PCDH15: variants seen among roughly 807,000 people sequenced by gnomAD.
The protein encoded by PCDH15 is protocadherin-15.
Under a neutral mutation model 178.5 loss-of-function variants are expected in PCDH15, and 129 were observed. The observed-to-expected ratio is 0.72, with a 90% confidence interval of 0.63 to 0.84. PCDH15 has a LOEUF of 0.84. PCDH15 is among the 40% of genes least tolerant of loss of function. The pLI is 0.00. For missense variants in PCDH15, 2,230 were observed against 2,099.9 expected (o/e 1.06, Z -1.21); for synonymous variants, 800 against 732.0 (o/e 1.09, Z -1.50).
At chr10:54,948,353 G>T (rs747878822) in intron 2 of PCDH15, among the ~76,000 whole-genome samples, 2 of 151,902 alleles carry the variant, frequency 1.3e-5, no homozygotes, top group African/African-American at 4.8e-5. Context: ...TTCTATTCAG[G>T]TCATCAAGTA....
At chr10:53,812,149 C>T (rs570407639) in intron 35 of PCDH15, among the ~76,000 whole-genome samples, 1 of 152,146 alleles carries the variant, frequency 6.6e-6, no homozygotes, top group Non-Finnish European at 1.5e-5. Context: ...TGTAATGCTT[C>T]CCAAGGATGT....
intron 1 of PCDH15, among the ~76,000 whole-genome samples, chr10:55,237,730 T>C (rs1841422583): frequency 6.6e-6 from 1 of 152,110 alleles, no homozygotes; most frequent in Admixed American, 6.6e-5. Flanking sequence ...ATTTTTTTCC[T>C]CTGAAATGTT....
chr10:55,322,619 A>T (rs1449774513), upstream of PCDH15, among the ~76,000 whole-genome samples: 1 of 152,100 alleles, frequency 6.6e-6, no homozygotes, highest in Non-Finnish European at 1.5e-5. Flanking sequence ...GTTGAACTGG[A>T]GTAAAGAACA....
At chr10:53,842,546 A>T (rs1261410868) in intron 28 of PCDH15, among the ~76,000 whole-genome samples, 1 of 152,136 alleles carries the variant, frequency 6.6e-6, no homozygotes, top group Non-Finnish European at 1.5e-5. Flanking sequence ...ACATCTGGCC[A>T]TGTTTCCTTA....
At chr10:54,695,517 G>A (rs1303171298) in intron 1 of PCDH15, among the ~76,000 whole-genome samples, 1 of 152,170 alleles carries the variant, frequency 6.6e-6, no homozygotes, top group East Asian at 1.9e-4. Context: ...TAAGATCATT[G>A]TTGAAGGTGG....
chr10:54,004,426 C>CACACACACA (rs35001487), intron 20 of PCDH15, among the ~76,000 whole-genome samples: 13,232 of 96,778 alleles, frequency 0.14, 1,314 homozygotes, highest in African/African-American at 0.26. Context: ...CACACACACA[C>CACACACACA]CACACAAAGT....
At chr10:53,951,393 G>T (rs1176731844) in intron 23 of PCDH15, among the ~76,000 whole-genome samples, 5 of 120,074 alleles carry the variant, frequency 4.2e-5, no homozygotes, top group Admixed American at 2.4e-4. Context: ...CAACAATAAA[G>T]AATGAAGAAA....
At chr10:55,040,342 G>A (rs1462785330) in intron 2 of PCDH15, among the ~76,000 whole-genome samples, 1 of 152,134 alleles carries the variant, frequency 6.6e-6, no homozygotes, top group Non-Finnish European at 1.5e-5. Context: ...GCACTCTCCT[G>A]GTTGTTCTAA....
chr10:53,831,266 G>A (rs2076999125), intron 30 of PCDH15, 49 bp downstream of exon 30: 3 of 1,550,280 alleles, frequency 1.9e-6, no homozygotes, highest in Non-Finnish European at 2.7e-6. Flanking sequence ...ATGGTTTTCT[G>A]CAATGACTTC....
chr10:54,733,990 C>CA (rs35280632), intron 1 of PCDH15, among the ~76,000 whole-genome samples: 31,402 of 145,620 alleles, frequency 0.22, 3,974 homozygotes, highest in East Asian at 0.48. Context: ...TAAAACTTTA[C>CA]AAAAAAAAAC....
chr10:55,244,811 A>G (rs1014832781), intron 1 of PCDH15, among the ~76,000 whole-genome samples: 2 of 151,466 alleles, frequency 1.3e-5, no homozygotes, highest in African/African-American at 4.9e-5. Flanking sequence ...AGCTGTTAAT[A>G]TAATCCAGGC....
At chr10:54,900,665 C>A (rs1954623717) in intron 2 of PCDH15, among the ~76,000 whole-genome samples, 1 of 148,216 alleles carries the variant, frequency 6.7e-6, no homozygotes, top group African/African-American at 2.4e-5. Context: ...TTTGCTTAAA[C>A]AAAAAGTTTA....
intron 3 of PCDH15, among the ~76,000 whole-genome samples, chr10:54,878,491 T>A (rs1305597506): frequency 6.6e-6 from 1 of 152,110 alleles, no homozygotes; most frequent in African/African-American, 2.4e-5. Flanking sequence ...AGAAGCCTCA[T>A]TCCATTGTTT....
At chr10:53,947,577 C>T (rs1289598809) in intron 23 of PCDH15, among the ~76,000 whole-genome samples, 1 of 151,704 alleles carries the variant, frequency 6.6e-6, no homozygotes, top group Non-Finnish European at 1.5e-5. Context: ...CCCACTAGAA[C>T]TCCGATTATT....
intron 2 of PCDH15, among the ~76,000 whole-genome samples, chr10:54,941,146 T>C (rs575637618): frequency 2.6e-5 from 4 of 152,230 alleles, no homozygotes; most frequent in Non-Finnish European, 5.9e-5. Flanking sequence ...ATATTTCAAT[T>C]ACTTTAACAA....
intron 2 of PCDH15, among the ~76,000 whole-genome samples, chr10:55,076,459 C>G (rs1019088506): frequency 2.1e-5 from 3 of 145,140 alleles, no homozygotes; most frequent in Non-Finnish European, 4.5e-5. Context: ...CTTGGTGACT[C>G]TTTTTTTTTG....
At chr10:54,852,207 A>T (rs1162703263) in intron 3 of PCDH15, among the ~76,000 whole-genome samples, 2 of 152,112 alleles carry the variant, frequency 1.3e-5, no homozygotes, top group Non-Finnish European at 2.9e-5. Context: ...TGTATGAATG[A>T]AAAAGCATAA....
chr10:55,326,205 C>A (rs1844026674), intron 2 of PCDH15, among the ~76,000 whole-genome samples: 1 of 152,088 alleles, frequency 6.6e-6, no homozygotes, highest in South Asian at 2.1e-4. Context: ...AGCAAAGTTA[C>A]CATTTAACCC....
At chr10:53,815,784 C>T (rs2076039810) in intron 35 of PCDH15, among the ~76,000 whole-genome samples, 1 of 151,720 alleles carries the variant, frequency 6.6e-6, no homozygotes, top group Non-Finnish European at 1.5e-5. Flanking sequence ...GAAGAAAATG[C>T]CATAGGCAAT....
Sources: gnomAD v4.1 joint callset for allele counts (sites outside exome capture counted in the v4.1 genomes callset) on GRCh38, gnomAD v4.1.1 for gene constraint, MANE v1.5 for transcripts, NCBI Gene and HGNC (gene_info 2026-07-23, HGNC 2026-07-21) for gene names.